The following APBA1 variants were observed in gnomAD, a reference collection of about 807,000 sequenced individuals.
The protein encoded by APBA1 is amyloid beta precursor protein binding family A member 1, also known as amyloid-beta A4 precursor protein-binding family A member 1.
APBA1 carries 55 observed loss-of-function variants against 86.6 expected under a neutral mutation model. The observed-to-expected ratio is 0.64, with a 90% CI of 0.51 to 0.80. The LOEUF (loss-of-function observed/expected upper bound fraction) is 0.80, where lower values mean the gene tolerates loss of function less well. Ranked by LOEUF, APBA1 falls within the 30% of genes least tolerant of loss-of-function variation. The pLI is 0.00. For synonymous variants in APBA1, 511 were observed against 493.9 expected (o/e 1.03, Z -0.46); for missense variants, 1,090 against 1,183.0 (o/e 0.92, Z 1.15).
At chr9:69,571,125 C>T (rs899412119) in intron 1 of APBA1, among the ~76,000 whole-genome samples, 1 of 152,316 alleles carries the variant, frequency 6.6e-6, no homozygotes, top group African/African-American at 2.4e-5. Context: ...TTATTATCAA[C>T]TGCTCACACT....
At chr9:69,505,542 C>A (rs1185694236) in intron 2 of APBA1, among the ~76,000 whole-genome samples, 1 of 152,058 alleles carries the variant, frequency 6.6e-6, no homozygotes, top group Non-Finnish European at 1.5e-5. Flanking sequence ...TATTTTACTG[C>A]AATTCTAGGA....
chr9:69,540,670 G>A (rs1401705451), intron 1 of APBA1, among the ~76,000 whole-genome samples: 1 of 152,138 alleles, frequency 6.6e-6, no homozygotes, highest in African/African-American at 2.4e-5. Flanking sequence ...TGCTATCATA[G>A]CTCACTGCAG....
At chr9:69,606,355 C>T (rs1393015761) in intron 1 of APBA1, among the ~76,000 whole-genome samples, 1 of 152,080 alleles carries the variant, frequency 6.6e-6, no homozygotes, top group East Asian at 1.9e-4. Flanking sequence ...ATATCTGCTG[C>T]CTAGTTTGAA....
At position 69,672,251 on chromosome 9, in the gene APBA1, T is replaced by G. The variant is rs1823966301; in HGVS notation, c.-168A>C. 1 of 167,362 alleles carries G rather than the reference T, an allele frequency of 6.0e-6. No homozygotes were observed. Among genetic ancestry groups the G allele is most frequent in the Admixed American group, 6.5e-5 (1 of 15,410 alleles). 10.4% of individuals were successfully genotyped at this position (167,362 alleles called of 1,614,324 possible). On this transcript the variant is annotated 5_prime_UTR_variant, in exon 1 of 13. Coordinates refer to ENST00000265381, the MANE Select transcript of APBA1 (RefSeq NM_001163.4). ...AATAAAGCTCCGCTCCAGCCGCTGCTGCCTCCAGCGCCACCATCTTCTCCC... is the reference window on the plus strand; with the variant it reads ...AATAAAGCTCCGCTCCAGCCGCTGCGGCCTCCAGCGCCACCATCTTCTCCC...
intron 1 of APBA1, among the ~76,000 whole-genome samples, chr9:69,596,771 A>G (rs915298746): frequency 6.6e-6 from 1 of 152,238 alleles, no homozygotes; most frequent in African/African-American, 2.4e-5. Flanking sequence ...GGCAGATACT[A>G]AAGGACACGA....
intron 4 of APBA1, among the ~76,000 whole-genome samples, chr9:69,468,716 A>G (rs1182608233): frequency 1.3e-5 from 2 of 152,380 alleles, no homozygotes; most frequent in African/African-American, 2.4e-5. Context: ...CCTGTTTTAA[A>G]TATTTTAATT....
chr9:69,441,306 G>A (rs1013628596), intron 10 of APBA1, among the ~76,000 whole-genome samples, 191 bp from the exon 11 acceptor site: 5 of 152,306 alleles, frequency 3.3e-5, no homozygotes, highest in Middle Eastern at 3.4e-3. Context: ...GGGCTAAGAC[G>A]CCACATGTTG....
In APBA1 at chr9:69,430,966, G is replaced by A. The variant is rs537344661; in HGVS notation, c.*361C>T. 2.5e-5 allele frequency: 5 copies of A among 201,946 alleles called. No individual in the cohort carries two copies. Among genetic ancestry groups the A allele is most frequent in the Non-Finnish European group, 5.0e-5 (5 of 100,458 alleles). 12.5% of individuals were successfully genotyped at this position (201,946 alleles called of 1,614,324 possible). ...TGAATCAGCTGCTTTGCTGCCCCGC[G>A]AGCTCCTTTTAAGAAGTCTGCACCT... On this transcript the variant is annotated 3_prime_UTR_variant, in exon 13 of 13. Coordinates refer to ENST00000265381, the MANE Select transcript of APBA1 (RefSeq NM_001163.4).
chr9:69,612,026 A>T (rs1822601554), intron 1 of APBA1, among the ~76,000 whole-genome samples: 2 of 152,130 alleles, frequency 1.3e-5, no homozygotes, highest in Admixed American at 1.3e-4. Context: ...ATGGGATTAT[A>T]TTTGTGTCTC....
At chr9:69,453,401 GCACTGGCTTCTA>G (rs1440766538) in intron 8 of APBA1, among the ~76,000 whole-genome samples, 2 of 152,196 alleles carry the variant, frequency 1.3e-5, no homozygotes, top group African/African-American at 4.8e-5. Context: ...GCAGGAGGTG[GCACTGGCTTCTA>G]CACTGGGTTT....
intron 2 of APBA1, among the ~76,000 whole-genome samples, chr9:69,489,190 G>A (rs960786638): frequency 6.6e-6 from 1 of 152,086 alleles, no homozygotes; most frequent in East Asian, 1.9e-4. Context: ...AAGCCAAAAG[G>A]ACAAAGCTGG....
chr9:69,432,284 G>A (rs1244493082), intron 12 of APBA1, among the ~76,000 whole-genome samples: 1 of 152,362 alleles, frequency 6.6e-6, no homozygotes, highest in East Asian at 1.9e-4. Flanking sequence ...GTGTTAAAAA[G>A]AGAAGGTGAG....
At chr9:69,621,908 T>A (rs1463953239) in intron 1 of APBA1, among the ~76,000 whole-genome samples, 1 of 152,226 alleles carries the variant, frequency 6.6e-6, no homozygotes, top group Non-Finnish European at 1.5e-5. Flanking sequence ...GTGTTGGCTA[T>A]GATTAGCAAC....
intron 10 of APBA1, among the ~76,000 whole-genome samples, chr9:69,448,086 C>T (rs1834942123): frequency 1.3e-5 from 2 of 152,204 alleles, no homozygotes; most frequent in South Asian, 4.2e-4. Flanking sequence ...CAGACCCCAT[C>T]TCTCCCTGAC....
intron 1 of APBA1, among the ~76,000 whole-genome samples, chr9:69,589,213 C>T (rs1822080031): frequency 6.6e-6 from 1 of 152,200 alleles, no homozygotes; most frequent in East Asian, 1.9e-4. Context: ...GCCTTGGCCT[C>T]CCAAAGTGCT....
At chr9:69,447,308 C>A (rs972019992) in intron 10 of APBA1, among the ~76,000 whole-genome samples, 1 of 152,174 alleles carries the variant, frequency 6.6e-6, no homozygotes, top group South Asian at 2.1e-4. Context: ...CCCTTCTAGA[C>A]TCAGACCAAC....
intron 1 of APBA1, among the ~76,000 whole-genome samples, chr9:69,609,257 G>A (rs1198006666): frequency 1.3e-5 from 2 of 152,090 alleles, no homozygotes; most frequent in Non-Finnish European, 2.9e-5. Flanking sequence ...ATAGAGCCAG[G>A]GGAGGACATG....
chr9:69,611,291 A>AC (rs1286015620), intron 1 of APBA1, among the ~76,000 whole-genome samples: 1 of 150,898 alleles, frequency 6.6e-6, no homozygotes. Flanking sequence ...AAAGGAAAAA[A>AC]AAAAAAAAAA....
chr9:69,576,607 C>CA (rs1456350986), intron 1 of APBA1, among the ~76,000 whole-genome samples: 1 of 151,714 alleles, frequency 6.6e-6, no homozygotes, highest in African/African-American at 2.4e-5. Flanking sequence ...ATCGCAAGGA[C>CA]AAAAAACCAA....
Sources: allele counts gnomAD v4.1 joint callset (sites outside exome capture counted in the v4.1 genomes callset), GRCh38; gene constraint gnomAD v4.1.1; transcripts MANE v1.5; gene names NCBI Gene and HGNC (gene_info 2026-07-23, HGNC 2026-07-21).